OPCML: variants seen among roughly 807,000 people sequenced by gnomAD.
OPCML encodes opioid binding protein/cell adhesion molecule like.
OPCML carries 13 observed loss-of-function variants against 37.8 expected under a neutral mutation model. The ratio of observed to expected loss-of-function variants is 0.34; its 90% CI spans 0.22 to 0.55. OPCML has a LOEUF of 0.55. Ranked by LOEUF, OPCML falls within the 20% of genes least tolerant of loss-of-function variation. The pLI is 0.91. For synonymous variants in OPCML, 176 were observed against 168.8 expected (o/e 1.04, Z -0.33); for missense variants, 341 against 435.6 (o/e 0.78, Z 1.93).
chr11:132,579,855 T>C (rs1359944440), intron 3 of OPCML, among the ~76,000 whole-genome samples: 1 of 152,164 alleles, frequency 6.6e-6, no homozygotes. Context: ...AGGGAGATTG[T>C]CTTAGTCCTT....
At chr11:132,598,851 G>A (rs968102823) in intron 3 of OPCML, among the ~76,000 whole-genome samples, 4 of 152,094 alleles carry the variant, frequency 2.6e-5, no homozygotes, top group African/African-American at 4.8e-5. Context: ...GGATACTGAA[G>A]CTAACCTTTT....
At chr11:132,594,191 G>A (rs1447666444) in intron 3 of OPCML, among the ~76,000 whole-genome samples, 1 of 152,138 alleles carries the variant, frequency 6.6e-6, no homozygotes, top group African/African-American at 2.4e-5. Flanking sequence ...CTTTACCCTT[G>A]AGATAAAAAG....
intron 1 of OPCML, among the ~76,000 whole-genome samples, chr11:133,317,171 T>C (rs1325117346): frequency 6.6e-6 from 1 of 152,178 alleles, no homozygotes; most frequent in Non-Finnish European, 1.5e-5. Flanking sequence ...CACTCCAGCC[T>C]GGGTGACAGA....
chr11:132,637,813 C>G (rs2135713038), intron 3 of OPCML, among the ~76,000 whole-genome samples: 1 of 152,254 alleles, frequency 6.6e-6, no homozygotes, highest in Middle Eastern at 3.4e-3. Context: ...TTCATTCACA[C>G]TGATTGATCA....
In OPCML at chr11:133,140,934, A is replaced by AGACGAAGAC. The variant is rs1565468582; in HGVS notation, c.62-197925_62-197924insGTCTTCGTC. Among the ~76,000 whole-genome samples the AGACGAAGAC allele has an allele frequency of 1.1e-4, 2 of 17,710 alleles. 1 individual carries two copies. Among genetic ancestry groups the AGACGAAGAC allele is most frequent in the African/African-American group, 2.3e-4 (2 of 8,726 alleles). 11.6% of individuals were successfully genotyped at this position (17,710 alleles called of 152,430 possible). On this transcript the variant is annotated intron_variant, in intron 1 of 7. Coordinates refer to ENST00000524381, the MANE Select transcript of OPCML (RefSeq NM_001012393.5). ...AAGAAGAAGAAGACGACGACGACGA[A>AGACGAAGAC]GAAGAAGAAGACGACGAAGAAGAAG...
At chr11:132,649,496 G>A (rs1941320988) in intron 3 of OPCML, among the ~76,000 whole-genome samples, 2 of 152,108 alleles carry the variant, frequency 1.3e-5, no homozygotes, top group Admixed American at 6.5e-5. Context: ...CCTGAGCGCA[G>A]GGGGCGGGGC....
chr11:132,484,219 A>G (rs2096191465), intron 4 of OPCML, among the ~76,000 whole-genome samples: 1 of 152,208 alleles, frequency 6.6e-6, no homozygotes, highest in Non-Finnish European at 1.5e-5. Flanking sequence ...ACAAATTTAC[A>G]AGAAAAAAAC....
intron 2 of OPCML, among the ~76,000 whole-genome samples, chr11:132,689,459 C>T (rs1018746094): frequency 6.6e-6 from 1 of 152,240 alleles, no homozygotes. Context: ...ACACCAATCC[C>T]ATTCCCAGCT....
At chr11:132,507,628 C>T (rs1020442737) in intron 4 of OPCML, among the ~76,000 whole-genome samples, 9 of 151,562 alleles carry the variant, frequency 5.9e-5, no homozygotes, top group African/African-American at 2.2e-4. Context: ...AAAATACTCA[C>T]AAACTAGGTT....
intron 2 of OPCML, among the ~76,000 whole-genome samples, chr11:132,816,064 G>A (rs1485321715): frequency 6.6e-6 from 1 of 152,202 alleles, no homozygotes; most frequent in Non-Finnish European, 1.5e-5. Flanking sequence ...GCAAGTTGGA[G>A]TCTTGAGGAA....
At chr11:132,709,480 C>G (rs1266529217) in intron 2 of OPCML, among the ~76,000 whole-genome samples, 1 of 152,154 alleles carries the variant, frequency 6.6e-6, no homozygotes, top group East Asian at 1.9e-4. Context: ...GGACTCCATC[C>G]ACCATCTCAC....
chr11:132,726,721 C>T (rs891433037), intron 2 of OPCML, among the ~76,000 whole-genome samples: 1 of 152,090 alleles, frequency 6.6e-6, no homozygotes, highest in African/African-American at 2.4e-5. Context: ...GAAGCAGGAC[C>T]GTGGAAGAGG....
At chr11:132,697,669 C>T (rs987934499) in intron 2 of OPCML, among the ~76,000 whole-genome samples, 1 of 152,130 alleles carries the variant, frequency 6.6e-6, no homozygotes. Context: ...TCCATTCACC[C>T]ATCAGTGGAT....
chr11:133,004,962 A>G, intron 1 of OPCML: 1 of 985,230 alleles, frequency 1.0e-6, no homozygotes, highest in Non-Finnish European at 1.2e-6. Context: ...GCTAGTCTAC[A>G]TCATGGTCCT....
intron 4 of OPCML, among the ~76,000 whole-genome samples, chr11:132,501,548 A>C (rs1021897001): frequency 6.6e-6 from 1 of 152,196 alleles, no homozygotes; most frequent in Non-Finnish European, 1.5e-5. Context: ...ATATCTGCCC[A>C]AGGAGCTGTA....
At chr11:132,831,361 CA>C (rs1226494720) in intron 2 of OPCML, among the ~76,000 whole-genome samples, 1 of 152,086 alleles carries the variant, frequency 6.6e-6, no homozygotes, top group Non-Finnish European at 1.5e-5. Flanking sequence ...GATTTTCAGT[CA>C]AAGGGGAATA....
intron 2 of OPCML, among the ~76,000 whole-genome samples, chr11:132,704,702 T>C (rs907828832): frequency 7.2e-5 from 11 of 152,218 alleles, no homozygotes; most frequent in Non-Finnish European, 1.5e-4. Context: ...GGATGAACAG[T>C]AGGAAAAACA....
rs118121783 is a variant in OPCML at position 132,941,949 on chromosome 11, G to A, written c.146+977C>T. Among the ~76,000 whole-genome samples, 11 of 152,296 alleles carry A rather than the reference G, an allele frequency of 7.2e-5. No individual in the cohort carries two copies. In the East Asian group the frequency reaches 1.4e-3, roughly 19 times the overall value. On this transcript the variant is annotated intron_variant, in intron 2 of 7. Transcript: ENST00000524381. The stretch of plus-strand genomic sequence containing the variant: ...CGTCACACTGTCCTAGGGGAAGCCA[G>A]GCATTTTGGCTGCAGAATCTGGGTC...
chr11:132,852,104 G>A (rs892362941), intron 2 of OPCML, among the ~76,000 whole-genome samples: 1 of 152,154 alleles, frequency 6.6e-6, no homozygotes, highest in Admixed American at 6.5e-5. Flanking sequence ...GGCAGTCGAG[G>A]CGAGAAATCT....
Sources: allele counts gnomAD v4.1 joint callset (sites outside exome capture counted in the v4.1 genomes callset), GRCh38; gene constraint gnomAD v4.1.1; transcripts MANE v1.5; gene names NCBI Gene and HGNC (gene_info 2026-07-23, HGNC 2026-07-21).